SNF8: variants seen among roughly 807,000 people sequenced by gnomAD.
SNF8 encodes the protein vacuolar-sorting protein SNF8.
In SNF8, 19 loss-of-function variants were observed where a neutral mutation model predicts 36.8. That is an observed-to-expected ratio of 0.52 (90% CI 0.36 to 0.76). SNF8 has a LOEUF of 0.76. Among genes scored for constraint, SNF8 ranks in the 30% least tolerant of loss-of-function variants. The probability of loss-of-function intolerance (pLI) is 0.00; values close to 1 mark genes in which losing one functional copy is unlikely to be tolerated. For missense variants in SNF8, 268 were observed against 322.9 expected (o/e 0.83, Z 1.30); for synonymous variants, 127 against 127.4 (o/e 1.00, Z 0.02).
chr17:48,940,870 T>G (rs1355401368), intron 3 of SNF8, 54 bp downstream of exon 3: 2 of 1,585,986 alleles, frequency 1.3e-6, no homozygotes, highest in Non-Finnish European at 1.7e-6. Context: ...TATGTGAGCT[T>G]CTGTTCCTCA....
chr17:48,933,414 G>A, intron 5 of SNF8, 68 bp from the exon 6 acceptor site: 4 of 1,569,988 alleles, frequency 2.5e-6, no homozygotes, highest in South Asian at 1.1e-5. Context: ...TTTCAGCTCT[G>A]CCCTGGGCAG....
chr17:48,937,026 T>G lies in SNF8; in HGVS notation c.343A>C (p.Asn115His). ...AGGACCTAGCCACCCTCACCTCCAT[T>G]CCGATGCTTCAGCGCCAGGCACACT... is the stretch of plus-strand genomic sequence containing the variant. ...IEVCLALKHR[N>H]GGLITLEELH... The change falls in exon 4 of 8, where the codon AAT (asparagine) becomes CAT (histidine). Residue 115 changes from asparagine (N) to histidine (H), a missense_variant. Coordinates refer to ENST00000502492, the MANE Select transcript of SNF8 (RefSeq NM_007241.4). The G allele has an allele frequency of 6.2e-7, 1 of 1,613,008 alleles. No individual in the cohort carries two copies. Among genetic ancestry groups the G allele is most frequent in the Non-Finnish European group, 8.5e-7 (1 of 1,179,026 alleles).
At chr17:48,933,472 G>T in intron 5 of SNF8, 126 bp from the exon 6 acceptor site, 1 of 1,073,316 alleles carries the variant, frequency 9.3e-7, no homozygotes, top group Non-Finnish European at 1.4e-6. Flanking sequence ...AGGCGCAATG[G>T]CTCATACCCA....
Position 48,944,836 on chromosome 17 carries a change from C to T in SNF8, c.-102G>A. On this transcript the variant is annotated 5_prime_UTR_variant, in exon 1 of 8. It removes an upstream start codon present in the reference 5' UTR. Transcript: ENST00000502492. The stretch of plus-strand genomic sequence containing the variant: ...CAAGGCGGAAGCCCGAGCCGCGCGT[C>T]ATCTGCACGCGCCGGAAGCCACGAG... 7.2e-7 allele frequency: 1 copy of T among 1,392,226 alleles called. No individual in the cohort carries two copies. The highest frequency in any genetic ancestry group is 1.6e-5 in the South Asian group (1 of 61,778). 86.2% of individuals were successfully genotyped at this position (1,392,226 alleles called of 1,614,324 possible). A position where few individuals can be genotyped will look rare whatever the true frequency, so the allele number is the denominator to read the frequency against.
chr17:48,934,459 AG>A, intron 5 of SNF8: 1 of 217,882 alleles, frequency 4.6e-6, no homozygotes, highest in Non-Finnish European at 9.5e-6. Context: ...AAGAACTAGC[AG>A]GGCGCCAGTG....
intron 2 of SNF8, among the ~76,000 whole-genome samples, chr17:48,942,451 A>G (rs2041044405): frequency 6.6e-6 from 1 of 151,534 alleles, no homozygotes; most frequent in Non-Finnish European, 1.5e-5. Flanking sequence ...TGGGTTTACT[A>G]TTTTTCCTCA....
intron 5 of SNF8, among the ~76,000 whole-genome samples, chr17:48,934,982 G>C (rs1272742345): frequency 2.6e-5 from 4 of 152,184 alleles, no homozygotes; most frequent in African/African-American, 9.7e-5. Flanking sequence ...TGGAGAACTA[G>C]ATCAATTTAT....
chr17:48,944,725 G>C lies in SNF8; in HGVS notation c.10C>G (p.Arg4Gly). 3.1e-6 allele frequency: 5 copies of C among 1,610,346 alleles called. No homozygotes were observed. Among genetic ancestry groups the C allele is most frequent in the Non-Finnish European group, 4.2e-6 (5 of 1,178,852 alleles). Residue 4 changes from arginine to glycine, a missense_variant, in exon 1 of 8, where the codon CGC becomes GGC. Transcript: ENST00000502492. The stretch of plus-strand genomic sequence containing the variant: ...GCGATGGCGCCAGCTCCCACCCCGC[G>C]GCGGTGCATCCCCACCCTGGGCCCG... MHRRGVGAGAIAKK... is the reference protein window; with the variant it reads MHRGGVGAGAIAKK...
At chr17:48,943,788 T>C (rs1402646952) in intron 2 of SNF8, 137 bp downstream of exon 2, 1 of 733,350 alleles carries the variant, frequency 1.4e-6, no homozygotes, top group East Asian at 2.5e-5. Context: ...ACCTAAAAGA[T>C]CTCAGCGGCT....
chr17:48,934,995 T>C (rs892273437), intron 5 of SNF8, among the ~76,000 whole-genome samples: 2 of 152,156 alleles, frequency 1.3e-5, no homozygotes, highest in African/African-American at 4.8e-5. Flanking sequence ...CAATTTATAT[T>C]CCATCATCTC....
In SNF8 at chr17:48,941,699, T is replaced by A. The variant is rs11656252; in HGVS notation, c.106-637A>T. ...TCAATCAATCAATATTTTTTTTTTT[T>A]AATTTTTTTGAGACAGAATCTTGCT... is the stretch of plus-strand genomic sequence containing the variant. On this transcript the variant is annotated intron_variant, in intron 2 of 7. Coordinates refer to ENST00000502492, the MANE Select transcript of SNF8 (RefSeq NM_007241.4). Among the ~76,000 whole-genome samples, 117 of 151,882 alleles carry A rather than the reference T, an allele frequency of 7.7e-4. 1 individual carries two copies. Among genetic ancestry groups the A allele is most frequent in the African/African-American group, 2.8e-3 (115 of 41,474 alleles).
Position 48,933,201 on chromosome 17 carries a change from G to A in SNF8, c.564+4C>T. 1 of 1,613,210 alleles carries A rather than the reference G, an allele frequency of 6.2e-7. No individual in the cohort carries two copies. The highest frequency in any genetic ancestry group is 8.5e-7 in the Non-Finnish European group (1 of 1,179,950). On this transcript the variant is annotated splice_donor_region_variant and intron_variant, in intron 6 of 7. Transcript: ENST00000502492. ...CACACACACACTCGAAGGTGCACCAGTACCTCTGCCAGCTGCAGCACCACG... is the reference window on the plus strand; with the variant it reads ...CACACACACACTCGAAGGTGCACCAATACCTCTGCCAGCTGCAGCACCACG...
At chr17:48,944,247 A>G in intron 1 of SNF8, 1 of 449,856 alleles carries the variant, frequency 2.2e-6, no homozygotes, top group Non-Finnish European at 4.1e-6. Flanking sequence ...GGTTGCAGTG[A>G]GCCGAGATCG....
chr17:48,942,070 A>G (rs2041036828), intron 2 of SNF8, among the ~76,000 whole-genome samples: 1 of 152,188 alleles, frequency 6.6e-6, no homozygotes, highest in Non-Finnish European at 1.5e-5. Flanking sequence ...AACTCCAGAT[A>G]AAGAACTGCT....
rs754373314 is a variant in SNF8 at position 48,939,474 on chromosome 17, TG to T, written c.244+1449del. 1.8e-4 allele frequency among the ~76,000 whole-genome samples: 27 copies of T among 146,282 alleles called. 5 individuals carry two copies. Among genetic ancestry groups the T allele is most frequent in the Non-Finnish European group, 2.4e-4 (16 of 66,274 alleles). On this transcript the variant is annotated intron_variant, in intron 3 of 7. Transcript: ENST00000502492. ...TAGTAATTTCTTTTTTTTTTTTTTT[TG>T]GGGGGATGGAGTCTCGCTCTGTTGC...
chr17:48,931,626 G>T lies in SNF8; in HGVS notation c.639+17C>A. The stretch of plus-strand genomic sequence containing the variant: ...GGGGCCTGCCTGTCTTTTCTGGACT[G>T]TTCCAAAGTTGCATACCAGCACTTG... On this transcript the variant is annotated intron_variant, in intron 7 of 7. Coordinates refer to ENST00000502492, the MANE Select transcript of SNF8 (RefSeq NM_007241.4). The T allele has an allele frequency of 6.2e-7, 1 of 1,610,260 alleles. No individual in the cohort carries two copies. The highest frequency in any genetic ancestry group is 8.5e-7 in the Non-Finnish European group (1 of 1,177,516).
In SNF8 at chr17:48,936,196, C is replaced by T. The variant is rs1237542551; in HGVS notation, c.396G>A (p.Arg132=). Residue 132 remains arginine (R), a synonymous_variant, in exon 5 of 8, where the codon AGG becomes AGA. Transcript: ENST00000502492. ...EELHQQVLKG[R]GKFAQDVSQD... Reference sequence around the variant, plus strand: ...GACTGACATCCTGGGCGAACTTGCCCCTTCCCTTCAACACCTGTTGATGTA... The same window carrying T: ...GACTGACATCCTGGGCGAACTTGCCTCTTCCCTTCAACACCTGTTGATGTA... 2 of 1,613,858 alleles carry T rather than the reference C, an allele frequency of 1.2e-6. No homozygotes were observed. The highest frequency in any genetic ancestry group is 1.3e-5 in the African/African-American group (1 of 74,884).
Position 48,941,078 on chromosome 17 carries a change from G to T in SNF8, c.106-16C>A. ...GCTTTGACATCTGTTGGATGGACAGGGAGTGGTGAAGGGCAGCCCAGCCAA... is the reference window on the plus strand; with the variant it reads ...GCTTTGACATCTGTTGGATGGACAGTGAGTGGTGAAGGGCAGCCCAGCCAA... On this transcript the variant is annotated splice_polypyrimidine_tract_variant and intron_variant, in intron 2 of 7. Coordinates refer to ENST00000502492, the MANE Select transcript of SNF8 (RefSeq NM_007241.4). 1 of 1,611,352 alleles carries T rather than the reference G, an allele frequency of 6.2e-7. No homozygotes were observed. The highest frequency in any genetic ancestry group is 8.5e-7 in the Non-Finnish European group (1 of 1,177,932).
intron 6 of SNF8, 129 bp downstream of exon 6, chr17:48,933,076 T>C: frequency 1.1e-6 from 1 of 950,788 alleles, no homozygotes. Context: ...AGCACAGGCC[T>C]GAGTAGTTCA....
Sources: allele counts gnomAD v4.1 joint callset (sites outside exome capture counted in the v4.1 genomes callset), GRCh38; gene constraint gnomAD v4.1.1; transcripts MANE v1.5; gene names NCBI Gene and HGNC (gene_info 2026-07-23, HGNC 2026-07-21).